Variants in NAT8L observed in about 807,000 individuals in gnomAD.
NAT8L encodes N-acetylaspartate synthetase.
NAT8L carries 6 observed loss-of-function variants against 21.2 expected under a neutral mutation model. The ratio of observed to expected loss-of-function variants is 0.28; its 90% confidence interval spans 0.16 to 0.56. NAT8L has a LOEUF of 0.56. NAT8L is among the 20% of genes least tolerant of loss of function. The pLI is 0.93. For missense variants in NAT8L, 331 were observed against 433.3 expected (o/e 0.76, Z 2.10); for synonymous variants, 239 against 204.9 (o/e 1.17, Z -1.42).
In NAT8L at chr4:2,063,785, G is replaced by C; in HGVS notation, c.567G>C (p.Leu189=). The part of the protein sequence containing the change: ...PPGSCFWVAV[L]DGNVVGIVAA... ...GCTCCTGCTTCTGGGTGGCCGTGCT[G>C]GATGGCAACGTGGTGGGCATTGTGG... is the stretch of plus-strand genomic sequence containing the variant. Residue 189 remains leucine, a synonymous_variant, in exon 3 of 3, where the codon CTG becomes CTC. Coordinates refer to ENST00000423729, the MANE Select transcript of NAT8L (RefSeq NM_178557.4). 6.2e-7 allele frequency: 1 copy of C among 1,612,130 alleles called. No individual in the cohort carries two copies. Among genetic ancestry groups the C allele is most frequent in the Non-Finnish European group, 8.5e-7 (1 of 1,179,950 alleles).
In NAT8L at chr4:2,059,629, C is replaced by T; in HGVS notation, c.118C>T (p.Pro40Ser). 1.0e-6 allele frequency: 1 copy of T among 974,672 alleles called. No individual in the cohort carries two copies. The highest frequency in any genetic ancestry group is 1.2e-6 in the Non-Finnish European group (1 of 822,844). 60.4% of individuals were successfully genotyped at this position (974,672 alleles called of 1,614,324 possible). Residue 40 changes from proline (P) to serine (S), a missense_variant, in exon 1 of 3, where the codon CCC (proline) becomes TCC (serine). By Grantham distance (74) the Pro-to-Ser change is moderately conservative. This residue lies in a region of NAT8L where 199 missense variants were observed against 196.1 expected (regional missense o/e 1.01). Coordinates refer to ENST00000423729, the MANE Select transcript of NAT8L (RefSeq NM_178557.4). The surrounding 1 kb of genome is among the most constrained non-coding windows in gnomAD (Gnocchi z 4.8). ...ALLAAAGAMWPPLPAAPGPAA... is the reference protein window; with the variant it reads ...ALLAAAGAMWSPLPAAPGPAA... The stretch of plus-strand genomic sequence containing the variant: ...GCTCGCCGCCGCCGGCGCCATGTGG[C>T]CCCCGCTGCCCGCCGCGCCCGGGCC...
rs1317961820 is a variant in NAT8L, at chr4:2,066,868, G to T, written c.*2741G>T. 1.3e-5 allele frequency: 2 copies of T among 152,882 alleles called. No individual in the cohort carries two copies. Among genetic ancestry groups the T allele is most frequent in the East Asian group, 3.9e-4 (2 of 5,194 alleles). The allele number at this position is 152,882 out of a possible 1,614,324, so 9.5% of individuals were successfully genotyped here. ...GTGTTTGGAAGCCTCTGTTTTTGGA[G>T]TGGGGGGCGTGGAAGGCGGGAGGGG... On this transcript the variant is annotated 3_prime_UTR_variant, in exon 3 of 3. Coordinates refer to ENST00000423729, the MANE Select transcript of NAT8L (RefSeq NM_178557.4).
rs1329242723 is a variant in NAT8L, at chr4:2,064,137, C to T, written c.*10C>T. ...GCTGCGCGAGGAGTGACCGCCGCCGCTCGCCCGCCCGCCCCCCCGGCCGCC... is the reference window on the plus strand; with the variant it reads ...GCTGCGCGAGGAGTGACCGCCGCCGTTCGCCCGCCCGCCCCCCCGGCCGCC... On this transcript the variant is annotated 3_prime_UTR_variant, in exon 3 of 3. Transcript: ENST00000423729. 1.3e-6 allele frequency: 2 copies of T among 1,531,022 alleles called. No homozygotes were observed. The highest frequency in any genetic ancestry group is 1.2e-5 in the South Asian group (1 of 83,668). 94.8% of individuals were successfully genotyped at this position (1,531,022 alleles called of 1,614,324 possible).
intron 2 of NAT8L, among the ~76,000 whole-genome samples, chr4:2,062,149 G>A (rs1002247803): frequency 6.6e-6 from 1 of 152,228 alleles, no homozygotes; most frequent in Middle Eastern, 3.2e-3. Context: ...CCTCTGGGCC[G>A]TGGCCTCCCT....
Position 2,059,765 on chromosome 4 carries a change from C to A in NAT8L, c.254C>A (p.Ala85Glu), listed in dbSNP as rs1313427641. The change falls in exon 1 of 3, where the codon GCG (alanine) becomes GAG (glutamate). Residue 85 changes from alanine (A) to glutamate (E), a missense_variant. Physicochemically the swap from Ala to Glu is moderately radical, Grantham distance 107. Transcript: ENST00000423729. The surrounding 1 kb of genome is among the most constrained non-coding windows in gnomAD (Gnocchi z 4.8). ...GRGVCIREFR[A>E]AEQEAARRIF... ...GGCGTGTGCATCCGCGAGTTCCGTG[C>A]GGCCGAGCAGGAGGCGGCGCGCCGC... The A allele has an allele frequency of 5.3e-6, 7 of 1,326,844 alleles. No homozygotes were observed. In the East Asian group the frequency reaches 1.2e-4, roughly 22 times the overall value. 82.2% of individuals were successfully genotyped at this position (1,326,844 alleles called of 1,614,324 possible).
In NAT8L at chr4:2,063,615, G is replaced by T; in HGVS notation, c.542-145G>T. ...CAGCAGAGCTGGTAGCTAGGCCCCG[G>T]GGGCTGCCGGGATTGGGTGTCCCAC... On this transcript the variant is annotated intron_variant, in intron 2 of 2. Coordinates refer to ENST00000423729, the MANE Select transcript of NAT8L (RefSeq NM_178557.4). 5 of 1,477,482 alleles carry T rather than the reference G, an allele frequency of 3.4e-6. No homozygotes were observed. In the South Asian group the frequency reaches 4.7e-5, roughly 14 times the overall value. The allele number at this position is 1,477,482 out of a possible 1,614,324, so 91.5% of individuals were successfully genotyped here.
chr4:2,063,707 G>A (rs1729934792), intron 2 of NAT8L, 53 bp from the exon 3 acceptor site: 9 of 1,602,738 alleles, frequency 5.6e-6, no homozygotes, highest in Admixed American at 3.3e-5. Flanking sequence ...AGAGGTGGAG[G>A]GGTCTCCCCA....
chr4:2,059,857 C>T lies in NAT8L; in HGVS notation c.346C>T (p.Arg116Cys). ...TAFRGLRQHP[R>C]AQLLYALLAA... ...CTTCCGCGGCCTGCGGCAGCACCCG[C>T]GCGCGCAGCTGCTCTACGCCCTGCT... Residue 116 changes from arginine (R) to cysteine (C), a missense_variant, in exon 1 of 3, where the codon CGC (arginine) becomes TGC (cysteine). By Grantham distance (180) the Arg-to-Cys change is radical. Coordinates refer to ENST00000423729, the MANE Select transcript of NAT8L (RefSeq NM_178557.4). The surrounding 1 kb of genome is among the most constrained non-coding windows in gnomAD (Gnocchi z 4.8). 1 of 1,378,480 alleles carries T rather than the reference C, an allele frequency of 7.3e-7. No homozygotes were observed. Among genetic ancestry groups the T allele is most frequent in the Non-Finnish European group, 9.5e-7 (1 of 1,055,278 alleles). 85.4% of individuals were successfully genotyped at this position (1,378,480 alleles called of 1,614,324 possible). A position where few individuals can be genotyped will look rare whatever the true frequency, so the allele number is the denominator to read the frequency against.
chr4:2,059,732 G>T lies in NAT8L; in HGVS notation c.221G>T (p.Gly74Val), dbSNP rs867584222. 3.1e-5 allele frequency: 37 copies of T among 1,179,200 alleles called. No homozygotes were observed. The Middle Eastern group carries it at 1.4e-3, about 45-fold the overall frequency. The allele number at this position is 1,179,200 out of a possible 1,614,324, so 73.0% of individuals were successfully genotyped here. The part of the protein sequence containing the change: ...HGGAGGAGPP[G>V]GRGVCIREFR... ...GGGGCGGGGGGCGCGGGGCCGCCGG[G>T]GGGGCGCGGCGTGTGCATCCGCGAG... Residue 74 changes from glycine to valine, a missense_variant, in exon 1 of 3, where the codon GGG becomes GTG. Gly to Val is a moderately radical substitution (Grantham distance 109). Transcript: ENST00000423729. This position sits in a 1 kb window ranked among gnomAD's most constrained non-coding sequence, Gnocchi z 4.8.
Position 2,063,958 on chromosome 4 carries a change from G to C in NAT8L, c.740G>C (p.Gly247Ala), listed in dbSNP as rs1218121487. 1 of 1,611,698 alleles carries C rather than the reference G, an allele frequency of 6.2e-7. No homozygotes were observed. The highest frequency in any genetic ancestry group is 1.7e-4 in the Middle Eastern group (1 of 6,030). ...VVHNYSAVVL[G>A]TTAVKVAAHK... is the part of the protein sequence containing the mutation. ...CACAACTACTCCGCGGTGGTGCTGGGCACGACGGCCGTCAAGGTGGCCGCC... is the reference window on the plus strand; with the variant it reads ...CACAACTACTCCGCGGTGGTGCTGGCCACGACGGCCGTCAAGGTGGCCGCC... The change falls in exon 3 of 3, where the codon GGC (glycine) becomes GCC (alanine). Residue 247 changes from glycine (G) to alanine (A), a missense_variant. Physicochemically the swap from Gly to Ala is moderately conservative, Grantham distance 60. Coordinates refer to ENST00000423729, the MANE Select transcript of NAT8L (RefSeq NM_178557.4).
rs1006629500 is a variant in NAT8L, at chr4:2,064,302, G to A, written c.*175G>A. The A allele has an allele frequency of 6.4e-6, 2 of 310,820 alleles. No individual in the cohort carries two copies. The highest frequency in any genetic ancestry group is 1.1e-5 in the Non-Finnish European group (2 of 187,858). The allele number at this position is 310,820 out of a possible 1,614,324, so 19.3% of individuals were successfully genotyped here. On this transcript the variant is annotated 3_prime_UTR_variant, in exon 3 of 3. Transcript: ENST00000423729. The stretch of plus-strand genomic sequence containing the variant: ...GGGGGGTGCGGGGCTGTTGTTCTTC[G>A]GCGACACTTTGGTGGGGGTGGGTTG...
chr4:2,062,750 A>G (rs886980765), intron 2 of NAT8L, among the ~76,000 whole-genome samples: 1 of 151,696 alleles, frequency 6.6e-6, no homozygotes, highest in Non-Finnish European at 1.5e-5. Context: ...GCAGAGGGGC[A>G]ATGGGGAGGG....
intron 2 of NAT8L, among the ~76,000 whole-genome samples, chr4:2,061,978 G>A (rs1360851841): frequency 3.3e-5 from 5 of 152,178 alleles, no homozygotes; most frequent in Non-Finnish European, 5.9e-5. Context: ...CGGCCTTGGT[G>A]CCTGCTGCTC....
Position 2,066,264 on chromosome 4 carries a change from T to A in NAT8L, c.*2137T>A, listed in dbSNP as rs1262787413. 6.6e-6 allele frequency: 1 copy of A among 152,298 alleles called. No homozygotes were observed. Among genetic ancestry groups the A allele is most frequent in the East Asian group, 1.9e-4 (1 of 5,172 alleles). 9.4% of individuals were successfully genotyped at this position (152,298 alleles called of 1,614,324 possible). A position where few individuals can be genotyped will look rare whatever the true frequency, so the allele number is the denominator to read the frequency against. ...GGCCTTCTCTCATTCTGGTGGCATC[T>A]GCGCCCGTGAGTGACCTCTTCCTTG... On this transcript the variant is annotated 3_prime_UTR_variant, in exon 3 of 3. Coordinates refer to ENST00000423729, the MANE Select transcript of NAT8L (RefSeq NM_178557.4).
chr4:2,061,325 A>T (rs1009495075), intron 2 of NAT8L, among the ~76,000 whole-genome samples, 163 bp downstream of exon 2: 19 of 152,296 alleles, frequency 1.2e-4, no homozygotes, highest in African/African-American at 4.3e-4. Context: ...CTCCGGTGTC[A>T]GCGGGGCTGG....
At chr4:2,062,388 C>T (rs951348905) in intron 2 of NAT8L, among the ~76,000 whole-genome samples, 1 of 151,998 alleles carries the variant, frequency 6.6e-6, no homozygotes, top group Non-Finnish European at 1.5e-5. Flanking sequence ...AGGCAGAACC[C>T]CTGGGTGGTG....
chr4:2,062,610 C>T (rs1326157521), intron 2 of NAT8L, among the ~76,000 whole-genome samples: 1 of 152,058 alleles, frequency 6.6e-6, no homozygotes, highest in Non-Finnish European at 1.5e-5. Flanking sequence ...CAGCGGTGCC[C>T]AGTGGCTCCC....
Position 2,059,880 on chromosome 4 carries a change from G to A in NAT8L, c.369G>A (p.Leu123=). 5 of 1,335,514 alleles carry A rather than the reference G, an allele frequency of 3.7e-6. No homozygotes were observed. Among genetic ancestry groups the A allele is most frequent in the Non-Finnish European group, 4.9e-6 (5 of 1,030,862 alleles). 82.7% of individuals were successfully genotyped at this position (1,335,514 alleles called of 1,614,324 possible). The change falls in exon 1 of 3, where the codon CTG becomes CTA. Residue 123 remains leucine, a synonymous_variant. Coordinates refer to ENST00000423729, the MANE Select transcript of NAT8L (RefSeq NM_178557.4). This position sits in a 1 kb window ranked among gnomAD's most constrained non-coding sequence, Gnocchi z 4.8. ...CGCGCGCGCAGCTGCTCTACGCCCT[G>A]CTGGCGGGTCAGTGCGCCGGGCCCC... is the stretch of plus-strand genomic sequence containing the variant. ...QHPRAQLLYA[L]LAALCFAVSR... is the part of the protein sequence containing the mutation.
At position 2,059,376 on chromosome 4, in the gene NAT8L, TGCCGCCGCCGCCGCCGCCGCTGCCGCC is replaced by T. The variant is rs1239346578; in HGVS notation, c.-118_-92del. The T allele has an allele frequency of 1.2e-5, 2 of 163,704 alleles. No individual in the cohort carries two copies. The highest frequency in any genetic ancestry group is 2.4e-5 in the Non-Finnish European group (2 of 84,358). The allele number at this position is 163,704 out of a possible 1,614,324, so 10.1% of individuals were successfully genotyped here. On this transcript the variant is annotated 5_prime_UTR_variant, in exon 1 of 3. Transcript: ENST00000423729. This position sits in a 1 kb window ranked among gnomAD's most constrained non-coding sequence, Gnocchi z 4.8. ...CCGCCTCCGCCCCGCGCCCCTGAGC[TGCCGCCGCCGCCGCCGCCGCTGCCGCC>T]GCCGCCGCCGCCGCCGCGGGTCCGA...
Sources: gnomAD v4.1 joint callset for allele counts (sites outside exome capture counted in the v4.1 genomes callset) on GRCh38, gnomAD v4.1.1 for gene constraint, gnomAD v4.1.1 regional missense constraint, Gnocchi (gnomAD v3.1) non-coding constraint, MANE v1.5 for transcripts, NCBI Gene and HGNC (gene_info 2026-07-23, HGNC 2026-07-21) for gene names.